Variants in OPCML observed in about 807,000 individuals in gnomAD.
The protein encoded by OPCML is opioid-binding protein/cell adhesion molecule.
A neutral mutation model predicts 37.8 loss-of-function variants in OPCML; 13 were observed. That is an observed-to-expected ratio of 0.34 (90% CI 0.22 to 0.55). The LOEUF (loss-of-function observed/expected upper bound fraction) is 0.55. Among genes scored for constraint, OPCML ranks in the 20% least tolerant of loss-of-function variants. The pLI is 0.91. For missense variants in OPCML, 341 were observed against 435.6 expected (o/e 0.78, Z 1.93); for synonymous variants, 176 against 168.8 (o/e 1.04, Z -0.33).
rs554402907 is a variant in OPCML, at chr11:132,421,135, C to T, written c.917-842G>A. ...ACAAATCACATGAATTGGTATTATCCTAGCCTGCTTCAAGGGCAGGTGTAT... is the reference window on the plus strand; with the variant it reads ...ACAAATCACATGAATTGGTATTATCTTAGCCTGCTTCAAGGGCAGGTGTAT... On this transcript the variant is annotated intron_variant, in intron 7 of 7. Coordinates refer to ENST00000524381, the MANE Select transcript of OPCML (RefSeq NM_001012393.5). Among the ~76,000 whole-genome samples the T allele has an allele frequency of 5.3e-5, 8 of 152,226 alleles. 1 individual carries two copies. The highest frequency in any genetic ancestry group is 1.9e-4 in the African/African-American group (8 of 41,538).
At chr11:133,020,971 G>A (rs1485406467) in intron 1 of OPCML, among the ~76,000 whole-genome samples, 2 of 152,030 alleles carry the variant, frequency 1.3e-5, no homozygotes, top group Non-Finnish European at 2.9e-5. Context: ...ACTGATCAAT[G>A]CATATGACAA....
At chr11:133,486,267 G>T (rs1330994091) in intron 1 of OPCML, among the ~76,000 whole-genome samples, 1 of 152,074 alleles carries the variant, frequency 6.6e-6, no homozygotes, top group African/African-American at 2.4e-5. Context: ...CTGTATTTCT[G>T]TTTCCTCTGT....
intron 3 of OPCML, among the ~76,000 whole-genome samples, chr11:132,623,978 G>A (rs1025228512): frequency 7.2e-5 from 11 of 152,166 alleles, no homozygotes; most frequent in Admixed American, 1.3e-4. Flanking sequence ...TTTAACATAT[G>A]TTGGTGCTCC....
chr11:132,992,736 T>A (rs995470727), intron 1 of OPCML, among the ~76,000 whole-genome samples: 2 of 152,082 alleles, frequency 1.3e-5, no homozygotes, highest in African/African-American at 4.8e-5. Flanking sequence ...AATGACAAAT[T>A]TAGAATTTGA....
intron 1 of OPCML, among the ~76,000 whole-genome samples, chr11:133,286,972 T>G (rs1942316205): frequency 6.6e-6 from 1 of 152,180 alleles, no homozygotes; most frequent in Non-Finnish European, 1.5e-5. Context: ...TGGTCATCTT[T>G]TATCTTCTGC....
At chr11:132,600,915 T>C (rs1034459948) in intron 3 of OPCML, among the ~76,000 whole-genome samples, 18 of 140,642 alleles carry the variant, frequency 1.3e-4, no homozygotes, top group Non-Finnish European at 2.4e-4. Flanking sequence ...CTCTTGGAAC[T>C]CCTGGGCTCA....
intron 2 of OPCML, among the ~76,000 whole-genome samples, chr11:132,795,038 G>A (rs912180628): frequency 6.6e-6 from 1 of 151,960 alleles, no homozygotes; most frequent in African/African-American, 2.4e-5. Flanking sequence ...TTAGAAGAGT[G>A]GTAAACTCTG....
At chr11:133,484,016 AATAG>A (rs1243913333) in intron 1 of OPCML, among the ~76,000 whole-genome samples, 7 of 149,152 alleles carry the variant, frequency 4.7e-5, no homozygotes, top group Non-Finnish European at 1.5e-5. Context: ...TAGATAGACA[AATAG>A]ATGGACAGAT....
At chr11:133,055,355 T>C in intron 1 of OPCML, among the ~76,000 whole-genome samples, 1 of 150,460 alleles carries the variant, frequency 6.6e-6, no homozygotes, top group Admixed American at 6.6e-5. Context: ...ACCTCTACTG[T>C]ACAATGCTGC....
At chr11:132,569,925 C>A (rs751025793) in intron 3 of OPCML, among the ~76,000 whole-genome samples, 21 of 151,296 alleles carry the variant, frequency 1.4e-4, no homozygotes, top group East Asian at 3.9e-4. Context: ...CACCCAGAGG[C>A]CTTGATCCTA....
In OPCML at chr11:132,637,332, A is replaced by G. The variant is rs527237736; in HGVS notation, c.379+19755T>C. 2.9e-3 allele frequency among the ~76,000 whole-genome samples: 445 copies of G among 152,080 alleles called. 2 individuals are homozygous for G. Among genetic ancestry groups the G allele is most frequent in the South Asian group, 0.022 (108 of 4,804 alleles). ...TGAGACCAGACCACCCCCACATTTTAAGCCTGGTTCTCCCAAAGTAGGGGA... is the reference window on the plus strand; with the variant it reads ...TGAGACCAGACCACCCCCACATTTTGAGCCTGGTTCTCCCAAAGTAGGGGA... On this transcript the variant is annotated intron_variant, in intron 3 of 7. Transcript: ENST00000524381.
chr11:132,475,299 T>G (rs2136980050), intron 4 of OPCML, among the ~76,000 whole-genome samples: 1 of 152,326 alleles, frequency 6.6e-6, no homozygotes, highest in Admixed American at 6.5e-5. Context: ...ACAAAGGAGT[T>G]ATTCGGAGCG....
intron 2 of OPCML, among the ~76,000 whole-genome samples, chr11:132,668,687 G>A (rs963725411): frequency 6.6e-6 from 1 of 152,170 alleles, no homozygotes; most frequent in African/African-American, 2.4e-5. Flanking sequence ...AAGCAGTTCT[G>A]ATGCCTTCTC....
intron 1 of OPCML, among the ~76,000 whole-genome samples, chr11:133,344,615 A>G (rs905261960): frequency 1.3e-5 from 2 of 152,136 alleles, no homozygotes; most frequent in Admixed American, 1.3e-4. Flanking sequence ...AAACAACTCA[A>G]GGAGCCCCAC....
At position 133,338,659 on chromosome 11, in the gene OPCML, G is replaced by A. The variant is rs535553117; in HGVS notation, c.61+193605C>T. On this transcript the variant is annotated intron_variant, in intron 1 of 7. Transcript: ENST00000524381. ...CTCTAGGGCGGGTTGAAATGATGGA[G>A]AGAAAGCTCAAAAAGGTGCCTCATT... Among the ~76,000 whole-genome samples the A allele has an allele frequency of 2.0e-5, 3 of 152,312 alleles. No homozygotes were observed. In the South Asian group the frequency reaches 6.2e-4, roughly 32 times the overall value.
chr11:132,910,641 C>T (rs1944398389), intron 2 of OPCML, among the ~76,000 whole-genome samples: 1 of 152,202 alleles, frequency 6.6e-6, no homozygotes, highest in South Asian at 2.1e-4. Context: ...ATGATCCCTT[C>T]ATCACCTGGT....
chr11:132,794,343 A>G (rs1446784414), intron 2 of OPCML, among the ~76,000 whole-genome samples: 1 of 152,242 alleles, frequency 6.6e-6, no homozygotes, highest in Non-Finnish European at 1.5e-5. Flanking sequence ...GCGCAGGGCA[A>G]AAGTTCAAAG....
intron 3 of OPCML, among the ~76,000 whole-genome samples, chr11:132,547,487 G>A (rs2096371407): frequency 6.6e-6 from 1 of 151,934 alleles, no homozygotes; most frequent in Admixed American, 6.6e-5. Flanking sequence ...TTTAGAAAGG[G>A]TAGAGGCAGA....
chr11:132,754,211 G>A (rs1259717080), intron 2 of OPCML, among the ~76,000 whole-genome samples: 3 of 152,196 alleles, frequency 2.0e-5, no homozygotes, highest in Non-Finnish European at 4.4e-5. Context: ...TTGTATTTAA[G>A]CGACTTACTC....
Sources: allele counts gnomAD v4.1 joint callset (sites outside exome capture counted in the v4.1 genomes callset), GRCh38; gene constraint gnomAD v4.1.1; transcripts MANE v1.5; gene names NCBI Gene and HGNC (gene_info 2026-07-23, HGNC 2026-07-21).